TMEM135: variants seen among roughly 807,000 people sequenced by gnomAD.
TMEM135 encodes transmembrane protein 135, also known as peroxisomal membrane protein 52.
TMEM135 carries 30 observed loss-of-function variants against 60.3 expected under a neutral mutation model. The ratio of observed to expected loss-of-function variants is 0.50; its 90% CI spans 0.37 to 0.68. TMEM135 has a LOEUF of 0.68. Ranked by LOEUF, TMEM135 falls within the 30% of genes least tolerant of loss-of-function variation. The pLI, the probability that TMEM135 is intolerant of heterozygous loss-of-function variation, is 0.00. For synonymous variants in TMEM135, 190 were observed against 186.7 expected (o/e 1.02, Z -0.14); for missense variants, 468 against 548.8 (o/e 0.85, Z 1.47).
intron 6 of TMEM135, among the ~76,000 whole-genome samples, chr11:87,292,085 C>A (rs1443502679): frequency 6.6e-6 from 1 of 152,104 alleles, no homozygotes; most frequent in Non-Finnish European, 1.5e-5. Flanking sequence ...TACTTGATTA[C>A]CTCAAACGGA....
intron 4 of TMEM135, among the ~76,000 whole-genome samples, chr11:87,117,422 A>G (rs1857917671): frequency 6.6e-6 from 1 of 152,210 alleles, no homozygotes; most frequent in Non-Finnish European, 1.5e-5. Flanking sequence ...TTAAAATTGG[A>G]GTCAATTCTC....
chr11:87,310,584 C>T (rs895429000), intron 10 of TMEM135, among the ~76,000 whole-genome samples: 1 of 150,212 alleles, frequency 6.7e-6, no homozygotes, highest in Non-Finnish European at 1.5e-5. Context: ...TGTAACAAAC[C>T]TGCATATGTA....
intron 14 of TMEM135, among the ~76,000 whole-genome samples, chr11:87,320,946 A>G (rs566145666): frequency 6.6e-6 from 1 of 152,224 alleles, no homozygotes; most frequent in Admixed American, 6.5e-5. Context: ...TAATGGTTGT[A>G]ATCTCTGCGG....
At position 87,281,276 on chromosome 11, in the gene TMEM135, A is replaced by G. The variant is rs184872499; in HGVS notation, c.510-14506A>G. 1.4e-3 allele frequency among the ~76,000 whole-genome samples: 213 copies of G among 152,338 alleles called. 1 individual carries two copies. The highest frequency in any genetic ancestry group is 4.9e-3 in the African/African-American group (202 of 41,586). On this transcript the variant is annotated intron_variant, in intron 6 of 14. Coordinates refer to ENST00000305494, the MANE Select transcript of TMEM135 (RefSeq NM_022918.4). ...CACCCAAATAGAAATAGTTAATATA[A>G]AAATGCAGTTTTTTTCAGTGATTAC...
chr11:87,109,737 C>G (rs1857694671), intron 4 of TMEM135, among the ~76,000 whole-genome samples: 1 of 152,100 alleles, frequency 6.6e-6, no homozygotes, highest in South Asian at 2.1e-4. Context: ...AAAAACCCTT[C>G]AATCATCCTG....
chr11:87,164,678 A>G (rs112110437), intron 5 of TMEM135, among the ~76,000 whole-genome samples: 1 of 94,150 alleles, frequency 1.1e-5, no homozygotes, highest in Non-Finnish European at 2.0e-5. Flanking sequence ...TGAGCATGGA[A>G]TGTTCTTCCA....
chr11:87,246,507 G>C (rs564174098), intron 6 of TMEM135, among the ~76,000 whole-genome samples: 5 of 152,174 alleles, frequency 3.3e-5, no homozygotes, highest in Non-Finnish European at 5.9e-5. Context: ...CGTAGATTTG[G>C]TGTTTTCACA....
At chr11:87,180,199 C>CCGTT (rs1246304948) in intron 5 of TMEM135, among the ~76,000 whole-genome samples, 1 of 152,046 alleles carries the variant, frequency 6.6e-6, no homozygotes, top group Non-Finnish European at 1.5e-5. Flanking sequence ...AATCATGAGG[C>CCGTT]CGTTCCCCTG....
chr11:87,210,011 C>T (rs1261738243), intron 5 of TMEM135, among the ~76,000 whole-genome samples: 1 of 152,088 alleles, frequency 6.6e-6, no homozygotes, highest in Non-Finnish European at 1.5e-5. Flanking sequence ...AATCTTTGGA[C>T]ACAGCTAAAG....
intron 5 of TMEM135, among the ~76,000 whole-genome samples, chr11:87,202,755 G>A (rs1321239258): frequency 4.7e-5 from 7 of 148,508 alleles, no homozygotes; most frequent in South Asian, 4.2e-4. Flanking sequence ...AAAGCAGACC[G>A]GGCACGGTGG....
chr11:87,204,091 TG>T (rs1940181937), intron 5 of TMEM135, among the ~76,000 whole-genome samples: 1 of 152,192 alleles, frequency 6.6e-6, no homozygotes, highest in Non-Finnish European at 1.5e-5. Context: ...GTTCCTCTTT[TG>T]GCTCGTTTAC....
chr11:87,239,909 C>A (rs614269), intron 6 of TMEM135, among the ~76,000 whole-genome samples: 109,346 of 152,046 alleles, frequency 0.72, 39,798 homozygotes, highest in Non-Finnish European at 0.76. Flanking sequence ...GAAATAACTT[C>A]CTTTTACATA....
Position 87,321,417 on chromosome 11 carries a change from C to A in TMEM135, c.*84C>A. On this transcript the variant is annotated 3_prime_UTR_variant, in exon 15 of 15. Transcript: ENST00000305494. ...GAACACAAAGGAGGGGGCCCAAGCT[C>A]GAACTTCAGTGTTATTTCAGTTAGA... 1.4e-6 allele frequency: 2 copies of A among 1,444,912 alleles called. No homozygotes were observed. The highest frequency in any genetic ancestry group is 1.9e-6 in the Non-Finnish European group (2 of 1,029,246). 89.5% of individuals were successfully genotyped at this position (1,444,912 alleles called of 1,614,324 possible).
intron 5 of TMEM135, among the ~76,000 whole-genome samples, chr11:87,169,840 G>C (rs1018647059): frequency 6.6e-6 from 1 of 152,116 alleles, no homozygotes; most frequent in Non-Finnish European, 1.5e-5. Flanking sequence ...GAATTTGAAT[G>C]TTGGCCTGTC....
intron 4 of TMEM135, among the ~76,000 whole-genome samples, chr11:87,137,408 C>T (rs540669898): frequency 6.6e-5 from 10 of 152,134 alleles, no homozygotes; most frequent in African/African-American, 1.2e-4. Flanking sequence ...GGAAGGAAGA[C>T]GAATGTTGTA....
intron 4 of TMEM135, among the ~76,000 whole-genome samples, chr11:87,128,977 C>G (rs1163911507): frequency 1.3e-5 from 2 of 150,078 alleles, no homozygotes; most frequent in East Asian, 3.9e-4. Flanking sequence ...TTGCTGTTCC[C>G]TATTTGGAAA....
chr11:87,228,222 C>G (rs1940808796), intron 5 of TMEM135, among the ~76,000 whole-genome samples: 1 of 151,984 alleles, frequency 6.6e-6, no homozygotes. Flanking sequence ...AGTTATTTTC[C>G]CCTAGTGTGC....
At chr11:87,248,034 A>AG (rs1941328730) in intron 6 of TMEM135, among the ~76,000 whole-genome samples, 2 of 151,280 alleles carry the variant, frequency 1.3e-5, no homozygotes, top group African/African-American at 4.9e-5. Context: ...AAAAAAAAAA[A>AG]AAAGAAAATA....
rs570367973 is a variant in TMEM135 at position 87,138,796 on chromosome 11, A to G, written c.397-18545A>G. ...GCACTCATCTGCAAGTAAAGGTGAG[A>G]TTGGCAATGCTTGTTTGCCAACTTG... On this transcript the variant is annotated intron_variant, in intron 4 of 14. Coordinates refer to ENST00000305494, the MANE Select transcript of TMEM135 (RefSeq NM_022918.4). Among the ~76,000 whole-genome samples the G allele has an allele frequency of 1.3e-4, 20 of 152,278 alleles. No homozygotes were observed. In the East Asian group the frequency reaches 3.7e-3, roughly 28 times the overall value.
Sources: allele counts gnomAD v4.1 joint callset (sites outside exome capture counted in the v4.1 genomes callset), GRCh38; gene constraint gnomAD v4.1.1; transcripts MANE v1.5; gene names NCBI Gene and HGNC (gene_info 2026-07-23, HGNC 2026-07-21).